ADGRL3: variants seen among roughly 807,000 people sequenced by gnomAD.
ADGRL3 encodes the protein calcium-independent alpha-latrotoxin receptor 3.
A neutral mutation model predicts 153.5 loss-of-function variants in ADGRL3; 62 were observed. The observed-to-expected ratio is 0.40, with a 90% CI of 0.33 to 0.50. ADGRL3 has a LOEUF of 0.50. Among genes scored for constraint, ADGRL3 ranks in the 20% least tolerant of loss-of-function variants. The pLI is 0.47. For missense variants in ADGRL3, 1,641 were observed against 1,859.4 expected (o/e 0.88, Z 2.16); for synonymous variants, 710 against 672.5 (o/e 1.06, Z -0.86).
chr4:61,350,343 GTTTTTTTT>G lies in ADGRL3; in HGVS notation c.-239-32769_-239-32762del, dbSNP rs34524532. On this transcript the variant is annotated intron_variant, in intron 1 of 26. Coordinates refer to ENST00000683033, the MANE Select transcript of ADGRL3 (RefSeq NM_001387552.1). ...GCCTCCCAAAAACATTCTGATGGAG[GTTTTTTTT>G]TTTTTTTTTTTCTATCTGGGGAAAT... Among the ~76,000 whole-genome samples the G allele has an allele frequency of 4.2e-4, 54 of 127,818 alleles. 1 individual carries two copies. Among genetic ancestry groups the G allele is most frequent in the African/African-American group, 1.5e-3 (53 of 34,842 alleles). 83.9% of individuals were successfully genotyped at this position (127,818 alleles called of 152,430 possible).
intron 1 of ADGRL3, among the ~76,000 whole-genome samples, chr4:61,291,583 C>CATATAT (rs1207822155): frequency 7.7e-5 from 6 of 77,538 alleles, no homozygotes; most frequent in African/African-American, 3.0e-4. Flanking sequence ...TATATATATA[C>CATATAT]ATATATATAT....
intron 2 of ADGRL3, among the ~76,000 whole-genome samples, chr4:61,496,695 A>G (rs1277980754): frequency 6.6e-6 from 1 of 152,070 alleles, no homozygotes; most frequent in Admixed American, 6.5e-5. Flanking sequence ...TAATCCCTGC[A>G]CTTTGGGAGG....
intron 8 of ADGRL3, among the ~76,000 whole-genome samples, chr4:61,744,409 C>T (rs1340530806): frequency 6.6e-6 from 1 of 152,172 alleles, no homozygotes; most frequent in Non-Finnish European, 1.5e-5. Flanking sequence ...CAGACTGCCT[C>T]CTCAAGTGGG....
intron 1 of ADGRL3, among the ~76,000 whole-genome samples, chr4:61,374,143 T>G (rs1329369062): frequency 6.6e-6 from 1 of 152,128 alleles, no homozygotes. Flanking sequence ...GGTGAATTCT[T>G]TGGGTAGAAA....
At chr4:61,414,617 G>A (rs1222194323) in intron 2 of ADGRL3, among the ~76,000 whole-genome samples, 2 of 151,438 alleles carry the variant, frequency 1.3e-5, no homozygotes, top group South Asian at 2.1e-4. Context: ...GTGGTTTTGC[G>A]GTTATATTAA....
rs557778491 is a variant in ADGRL3, at chr4:61,298,081, C to T, written c.-239-85043C>T. 1.9e-3 allele frequency among the ~76,000 whole-genome samples: 287 copies of T among 152,232 alleles called. 1 individual carries two copies. Among genetic ancestry groups the T allele is most frequent in the African/African-American group, 6.6e-3 (273 of 41,532 alleles). ...AAGATTATACAACTAGCATATATAA[C>T]ATTCAGGAATTTTAGTTACTGTTTA... is the stretch of plus-strand genomic sequence containing the variant. On this transcript the variant is annotated intron_variant, in intron 1 of 26. Transcript: ENST00000683033.
chr4:61,766,973 A>G (rs535063807), intron 8 of ADGRL3, among the ~76,000 whole-genome samples: 1 of 152,026 alleles, frequency 6.6e-6, no homozygotes, highest in Non-Finnish European at 1.5e-5. Context: ...TATAGGCTTT[A>G]AAAGGCCATG....
At chr4:62,036,035 T>A (rs181584813) in intron 23 of ADGRL3, among the ~76,000 whole-genome samples, 3 of 152,254 alleles carry the variant, frequency 2.0e-5, no homozygotes, top group African/African-American at 2.4e-5. Context: ...TTTCTTTTTT[T>A]AAAATACACA....
At chr4:62,049,979 T>C (rs540159885) in intron 25 of ADGRL3, among the ~76,000 whole-genome samples, 5 of 152,144 alleles carry the variant, frequency 3.3e-5, no homozygotes, top group African/African-American at 7.2e-5. Context: ...AGTTCACTTA[T>C]ACTTTCTAAA....
intron 1 of ADGRL3, among the ~76,000 whole-genome samples, chr4:61,253,031 A>G (rs1246593317): frequency 1.3e-5 from 2 of 152,188 alleles, no homozygotes; most frequent in African/African-American, 4.8e-5. Flanking sequence ...AGCCAGTTAT[A>G]TGAGTAGCTC....
chr4:61,794,498 G>C (rs902339983), intron 8 of ADGRL3, among the ~76,000 whole-genome samples: 10 of 152,182 alleles, frequency 6.6e-5, no homozygotes, highest in African/African-American at 2.4e-4. Flanking sequence ...GAAAACACCT[G>C]TCTCTTGTTA....
At chr4:61,250,498 C>G (rs796698127) in intron 1 of ADGRL3, among the ~76,000 whole-genome samples, 5 of 152,206 alleles carry the variant, frequency 3.3e-5, no homozygotes, top group African/African-American at 1.2e-4. Flanking sequence ...GATCTGATGG[C>G]CTTGAAGGAG....
intron 13 of ADGRL3, among the ~76,000 whole-genome samples, chr4:61,924,405 A>G (rs189518863): frequency 2.1e-4 from 32 of 152,286 alleles, no homozygotes; most frequent in African/African-American, 7.5e-4. Context: ...AATACCACCT[A>G]TATGTCTATG....
chr4:61,263,252 T>C (rs924404806), intron 1 of ADGRL3, among the ~76,000 whole-genome samples: 1 of 151,908 alleles, frequency 6.6e-6, no homozygotes, highest in African/African-American at 2.4e-5. Flanking sequence ...AAATTTATAA[T>C]ATGTAAAATA....
intron 9 of ADGRL3, among the ~76,000 whole-genome samples, chr4:61,835,830 A>C (rs1308428847): frequency 6.6e-5 from 10 of 152,312 alleles, no homozygotes; most frequent in Non-Finnish European, 1.5e-5. Flanking sequence ...TCAAAAGATA[A>C]AGGCTTAACT....
intron 9 of ADGRL3, among the ~76,000 whole-genome samples, chr4:61,871,626 T>G (rs1253185739): frequency 1.3e-5 from 2 of 152,158 alleles, no homozygotes; most frequent in South Asian, 4.1e-4. Context: ...TTGGGGAACA[T>G]GGGGAATGAC....
chr4:61,641,667 T>A (rs1233771182), intron 5 of ADGRL3, among the ~76,000 whole-genome samples: 1 of 151,912 alleles, frequency 6.6e-6, no homozygotes, highest in African/African-American at 2.4e-5. Context: ...GTGCCACATT[T>A]TCTTAATCCA....
chr4:61,914,375 A>G, intron 13 of ADGRL3, among the ~76,000 whole-genome samples: 1 of 152,168 alleles, frequency 6.6e-6, no homozygotes, highest in East Asian at 1.9e-4. Flanking sequence ...CAAGAGACAA[A>G]CATACAAATT....
chr4:61,320,161 T>G (rs2095325185), intron 1 of ADGRL3, among the ~76,000 whole-genome samples: 1 of 152,202 alleles, frequency 6.6e-6, no homozygotes, highest in Non-Finnish European at 1.5e-5. Context: ...ACCTTGATCT[T>G]GGACTTCCTA....
Sources: allele counts gnomAD v4.1 joint callset (sites outside exome capture counted in the v4.1 genomes callset), GRCh38; gene constraint gnomAD v4.1.1; transcripts MANE v1.5; gene names NCBI Gene and HGNC (gene_info 2026-07-23, HGNC 2026-07-21).